ZNF385D: variants seen among roughly 807,000 people sequenced by gnomAD.
ZNF385D encodes the protein zinc finger protein 659.
In ZNF385D, 15 loss-of-function variants were observed where a neutral mutation model predicts 35.8. The ratio of observed to expected loss-of-function variants is 0.42; its 90% CI spans 0.28 to 0.64. The LOEUF is 0.64. Ranked by LOEUF, ZNF385D falls within the 30% of genes least tolerant of loss-of-function variation. The pLI is 0.23. For synonymous variants in ZNF385D, 212 were observed against 186.8 expected (o/e 1.13, Z -1.10); for missense variants, 474 against 494.6 (o/e 0.96, Z 0.39).
intron 3 of ZNF385D, among the ~76,000 whole-genome samples, chr3:21,798,651 C>T (rs2072261853): frequency 6.6e-6 from 1 of 152,008 alleles, no homozygotes; most frequent in Non-Finnish European, 1.5e-5. Flanking sequence ...TCATCTATGC[C>T]ACATAATGTA....
intron 2 of ZNF385D, among the ~76,000 whole-genome samples, chr3:22,176,792 A>C (rs1310299024): frequency 6.6e-6 from 1 of 152,188 alleles, no homozygotes; most frequent in Non-Finnish European, 1.5e-5. Context: ...GAAAGCACTA[A>C]AATATTTTTG....
intron 1 of ZNF385D, among the ~76,000 whole-genome samples, chr3:21,731,712 A>G (rs2069003221): frequency 6.6e-6 from 1 of 152,178 alleles, no homozygotes; most frequent in Non-Finnish European, 1.5e-5. Flanking sequence ...TATTTTGAAT[A>G]TGAATTTGAT....
intron 3 of ZNF385D, among the ~76,000 whole-genome samples, chr3:21,852,535 T>C (rs1312432617): frequency 5.9e-5 from 9 of 151,884 alleles, no homozygotes; most frequent in Admixed American, 5.9e-4. Context: ...GCTAAATGTG[T>C]GATTGGTAGG....
intron 3 of ZNF385D, among the ~76,000 whole-genome samples, chr3:21,950,460 C>T (rs1702009875): frequency 1.3e-5 from 2 of 151,762 alleles, no homozygotes; most frequent in Non-Finnish European, 2.9e-5. Flanking sequence ...AGCCCTTTGT[C>T]AGAGGCACAG....
At chr3:21,639,298 C>A (rs559535272) in intron 2 of ZNF385D, among the ~76,000 whole-genome samples, 2 of 151,970 alleles carry the variant, frequency 1.3e-5, no homozygotes, top group East Asian at 3.9e-4. Context: ...AAAATGCAGG[C>A]GGCATGAAAG....
At chr3:21,960,762 A>C (rs907660489) in intron 3 of ZNF385D, among the ~76,000 whole-genome samples, 2 of 152,164 alleles carry the variant, frequency 1.3e-5, no homozygotes, top group Admixed American at 6.6e-5. Flanking sequence ...CAGCCATAAA[A>C]AGAATGAAAC....
At chr3:21,531,803 A>G (rs952535566) in intron 3 of ZNF385D, among the ~76,000 whole-genome samples, 1 of 152,242 alleles carries the variant, frequency 6.6e-6, no homozygotes, top group Non-Finnish European at 1.5e-5. Context: ...GCTATTCTGT[A>G]TAATATGGTA....
At chr3:22,081,993 T>G (rs1700775945) in intron 3 of ZNF385D, among the ~76,000 whole-genome samples, 1 of 6,458 alleles carries the variant, frequency 1.5e-4, no homozygotes, top group Non-Finnish European at 5.2e-4. Flanking sequence ...GGTTTTCTAT[T>G]TTTTTTTTTT....
At chr3:22,322,659 C>G (rs921231683) in intron 2 of ZNF385D, among the ~76,000 whole-genome samples, 2 of 152,200 alleles carry the variant, frequency 1.3e-5, no homozygotes, top group Non-Finnish European at 1.5e-5. Flanking sequence ...TTATCTCTCA[C>G]TGAATATCAT....
intron 2 of ZNF385D, among the ~76,000 whole-genome samples, chr3:22,327,226 C>G (rs1485329773): frequency 6.6e-6 from 1 of 152,078 alleles, no homozygotes; most frequent in African/African-American, 2.4e-5. Flanking sequence ...AAACTGGTAG[C>G]CAGGAACATT....
At chr3:21,525,420 G>A (rs1032993064) in intron 3 of ZNF385D, among the ~76,000 whole-genome samples, 1 of 152,046 alleles carries the variant, frequency 6.6e-6, no homozygotes, top group African/African-American at 2.4e-5. Context: ...GGGCATGGTG[G>A]CTTATGCCTG....
intron 5 of ZNF385D, among the ~76,000 whole-genome samples, chr3:21,428,705 C>T (rs191684633): frequency 6.6e-6 from 1 of 152,038 alleles, no homozygotes; most frequent in African/African-American, 2.4e-5. Flanking sequence ...GCAAGGCTGT[C>T]CCTTCTTTTG....
rs549821627 is a variant in ZNF385D, at chr3:22,365,513, A to G, written c.106+6937T>C. The stretch of plus-strand genomic sequence containing the variant: ...AAAAAATTTTTTTTTGTTTGCAAAC[A>G]AACTTTATTTTAGTTCAATCTTTCA... On this transcript the variant is annotated intron_variant, in intron 2 of 5. Coordinates refer to the ZNF385D transcript ENST00000494108. 2.0e-5 allele frequency among the ~76,000 whole-genome samples: 3 copies of G among 152,126 alleles called. No homozygotes were observed. The East Asian group carries it at 5.8e-4, about 29-fold the overall frequency.
intron 2 of ZNF385D, among the ~76,000 whole-genome samples, chr3:22,187,271 CTA>C (rs1695700370): frequency 6.6e-6 from 1 of 152,160 alleles, no homozygotes; most frequent in African/African-American, 2.4e-5. Flanking sequence ...TAATCGAAGT[CTA>C]TTAAAATAAG....
At chr3:21,894,423 T>C (rs1012633582) in intron 3 of ZNF385D, among the ~76,000 whole-genome samples, 1 of 152,178 alleles carries the variant, frequency 6.6e-6, no homozygotes, top group Non-Finnish European at 1.5e-5. Context: ...GCCAAAAACA[T>C]CCCTGAGTTT....
Position 21,696,281 on chromosome 3 carries a change from G to A in ZNF385D, c.23-31253C>T, listed in dbSNP as rs573272601. ...GTGAGAGCCCTGACACTTAGCAGGT[G>A]GTCAACCTTGGGGAATTTACTGAAT... On this transcript the variant is annotated intron_variant, in intron 1 of 7. Transcript: ENST00000281523. Among the ~76,000 whole-genome samples the A allele has an allele frequency of 6.6e-5, 10 of 152,258 alleles. No homozygotes were observed. In the East Asian group the frequency reaches 1.7e-3, roughly 26 times the overall value.
At chr3:21,442,840 T>C (rs1332835028) in intron 4 of ZNF385D, among the ~76,000 whole-genome samples, 1 of 151,668 alleles carries the variant, frequency 6.6e-6, no homozygotes, top group Non-Finnish European at 1.5e-5. Flanking sequence ...TATATGTCTA[T>C]GTGTATGCAT....
chr3:21,441,694 C>T, intron 4 of ZNF385D: 1 of 985,332 alleles, frequency 1.0e-6, no homozygotes, highest in South Asian at 4.7e-5. Flanking sequence ...ACCTCTTGTG[C>T]AGAATGGTAA....
At chr3:22,187,817 C>G (rs1483291489) in intron 2 of ZNF385D, among the ~76,000 whole-genome samples, 1 of 152,144 alleles carries the variant, frequency 6.6e-6, no homozygotes, top group East Asian at 1.9e-4. Flanking sequence ...GTAGAGTTGT[C>G]ACTGGGATGC....
Sources: allele counts gnomAD v4.1 joint callset (sites outside exome capture counted in the v4.1 genomes callset), GRCh38; gene constraint gnomAD v4.1.1; transcripts MANE v1.5; gene names NCBI Gene and HGNC (gene_info 2026-07-23, HGNC 2026-07-21).